ADCYAP1: variants seen among roughly 807,000 people sequenced by gnomAD.
ADCYAP1 encodes pituitary adenylate cyclase-activating polypeptide.
A neutral mutation model predicts 18.5 loss-of-function variants in ADCYAP1; 6 were observed. The ratio of observed to expected loss-of-function variants is 0.32; its 90% CI spans 0.18 to 0.64. ADCYAP1 has a LOEUF of 0.64. Among genes scored for constraint, ADCYAP1 ranks in the 30% least tolerant of loss-of-function variants. The pLI is 0.77. For missense variants in ADCYAP1, 314 were observed against 253.6 expected, an observed-to-expected ratio of 1.24 and a Z score of -1.62; for synonymous variants, 136 against 113.9, an observed-to-expected ratio of 1.19 and a Z score of -1.24.
At chr18:907,850 G>T in intron 3 of ADCYAP1, 60 bp downstream of exon 3, 13 of 1,411,538 alleles carry the variant, frequency 9.2e-6, no homozygotes, top group Non-Finnish European at 9.1e-6. Flanking sequence ...GCGGTGACGG[G>T]AGGGGCAGTG....
chr18:905,128 C>A, intron 1 of ADCYAP1, 68 bp downstream of exon 1: 1 of 1,371,686 alleles, frequency 7.3e-7, no homozygotes, highest in Non-Finnish European at 9.5e-7. Context: ...CTTGGCATCG[C>A]GTCAGGGGAG....
In ADCYAP1 at chr18:908,337, G is replaced by T. The variant is rs1465336094; in HGVS notation, c.315G>T (p.Leu105=). The T allele has an allele frequency of 1.2e-6, 2 of 1,613,278 alleles. No individual in the cohort carries two copies. Among genetic ancestry groups the T allele is most frequent in the African/African-American group, 2.7e-5 (2 of 74,934 alleles). Residue 105 remains leucine, a synonymous_variant, in exon 4 of 5, where the codon CTG becomes CTT. Transcript: ENST00000450565. The part of the protein sequence containing the change: ...VLDQLSAGKH[L]QSLVARGVGG... ...ACCAGCTGTCCGCCGGGAAGCACCT[G>T]CAGTCGCTCGTGGCCCGGGGCGTGG...
chr18:909,640 G>A lies in ADCYAP1; in HGVS notation c.*5G>A. On this transcript the variant is annotated 3_prime_UTR_variant, in exon 5 of 5. Transcript: ENST00000450565. ...CGCCGAATAGCTTATTTGTAGCGAT[G>A]GGTTACCAGCTACCCTGTGTATACA... 6.2e-7 allele frequency: 1 copy of A among 1,612,612 alleles called. No homozygotes were observed. The highest frequency in any genetic ancestry group is 8.5e-7 in the Non-Finnish European group (1 of 1,179,018).
At chr18:904,475 T>G, upstream of ADCYAP1, 1 of 1,289,050 alleles carries the variant, frequency 7.8e-7, no homozygotes, top group Non-Finnish European at 1.0e-6. Flanking sequence ...AAAAACCATG[T>G]TCGGATAGAT....
At chr18:904,602 G>C, upstream of ADCYAP1, 18 of 1,264,248 alleles carry the variant, frequency 1.4e-5, no homozygotes, top group Non-Finnish European at 1.7e-5. Context: ...AGCAGAGAAG[G>C]CGCCGCCGAC....
Position 909,744 on chromosome 18 carries a change from T to A in ADCYAP1, c.*109T>A. ...TGTGTTCTATCCAAACATGTATTTA[T>A]GTAATGAAGTAAAGCCATTAAATGA... On this transcript the variant is annotated 3_prime_UTR_variant, in exon 5 of 5. Coordinates refer to ENST00000450565, the MANE Select transcript of ADCYAP1 (RefSeq NM_001099733.2). The A allele has an allele frequency of 1.1e-6, 1 of 944,366 alleles. No homozygotes were observed. The highest frequency in any genetic ancestry group is 1.5e-6 in the Non-Finnish European group (1 of 650,062). 58.5% of individuals were successfully genotyped at this position (944,366 alleles called of 1,614,324 possible).
intron 2 of ADCYAP1, chr18:906,554 C>G (rs1056487817): frequency 2.6e-5 from 4 of 152,450 alleles, no homozygotes; most frequent in Admixed American, 1.3e-4. Context: ...CCCCAGGGTT[C>G]GGGGTACCCG....
chr18:909,497 C>T lies in ADCYAP1; in HGVS notation c.393C>T (p.Arg131=), dbSNP rs1210336450. Reference sequence around the variant, plus strand: ...ACGACGCGGAGCCGCTCTCCAAGCGCCACTCGGACGGGATCTTCACGGACA... The same window carrying T: ...ACGACGCGGAGCCGCTCTCCAAGCGTCACTCGGACGGGATCTTCACGGACA... ...AGDDAEPLSK[R]HSDGIFTDSY... Residue 131 remains arginine, a synonymous_variant, in exon 5 of 5, where the codon CGC becomes CGT. Coordinates refer to ENST00000450565, the MANE Select transcript of ADCYAP1 (RefSeq NM_001099733.2). The T allele has an allele frequency of 6.2e-7, 1 of 1,613,544 alleles. No homozygotes were observed. The highest frequency in any genetic ancestry group is 1.7e-5 in the Admixed American group (1 of 60,006).
At chr18:907,120 C>T (rs1345878947) in intron 2 of ADCYAP1, among the ~76,000 whole-genome samples, 1 of 152,194 alleles carries the variant, frequency 6.6e-6, no homozygotes, top group African/African-American at 2.4e-5. Context: ...CCGAGGTTCT[C>T]CGTGACCTAC....
chr18:905,777 A>T, intron 2 of ADCYAP1: 1 of 468,872 alleles, frequency 2.1e-6, no homozygotes. Context: ...CCCTCCCCCA[A>T]CCCGGCCCAC....
intron 4 of ADCYAP1, among the ~76,000 whole-genome samples, chr18:908,593 C>G (rs191294273): frequency 2.4e-4 from 36 of 152,278 alleles, no homozygotes; most frequent in African/African-American, 8.4e-4. Flanking sequence ...GAGTTTGATC[C>G]GTTTTGAATG....
chr18:905,745 C>T (rs117690971), intron 2 of ADCYAP1: 13,105 of 519,716 alleles, frequency 0.025, 258 homozygotes, highest in South Asian at 0.041. Context: ...AGCCAGTGAG[C>T]TTCTGGCCGC....
At chr18:904,587 C>T (rs1240877879), upstream of ADCYAP1, 3 of 1,282,216 alleles carry the variant, frequency 2.3e-6, no homozygotes, top group Non-Finnish European at 1.0e-6. Context: ...CCGGAGAGAC[C>T]TCGGAGCAGA....
rs1004665454 is a variant in ADCYAP1 at position 911,318 on chromosome 18, G to A, written c.*1683G>A. 2.0e-5 allele frequency: 3 copies of A among 150,048 alleles called. No homozygotes were observed. Among genetic ancestry groups the A allele is most frequent in the Non-Finnish European group, 2.9e-5 (2 of 67,860 alleles). The allele number at this position is 150,048 out of a possible 1,614,324, so 9.3% of individuals were successfully genotyped here. A position where few individuals can be genotyped will look rare whatever the true frequency, so the allele number is the denominator to read the frequency against. On this transcript the variant is annotated 3_prime_UTR_variant, in exon 5 of 5. Coordinates refer to ENST00000450565, the MANE Select transcript of ADCYAP1 (RefSeq NM_001099733.2). ...AGAACCTTCACCCAGCAATCAGATC[G>A]AGCAGCAACAGACAAACCAGCCAGC...
chr18:905,258 TG>T lies in ADCYAP1; in HGVS notation c.-1-127del, dbSNP rs1467238781. The T allele has an allele frequency of 4.0e-6, 6 of 1,498,522 alleles. No individual in the cohort carries two copies. In the African/African-American group the frequency reaches 8.4e-5, roughly 21 times the overall value. The allele number at this position is 1,498,522 out of a possible 1,614,324, so 92.8% of individuals were successfully genotyped here. A position where few individuals can be genotyped will look rare whatever the true frequency, so the allele number is the denominator to read the frequency against. On this transcript the variant is annotated intron_variant, in intron 1 of 4. Transcript: ENST00000450565. ...AGGGCGCGCACCGGCTGTCGCCAAG[TG>T]CTGTTCAACTCAGGGAGCCGGGGCT...
At position 908,157 on chromosome 18, in the gene ADCYAP1, G is replaced by A. The variant is rs1304410557; in HGVS notation, c.243-108G>A. ...GTTCTGGGCCTCTGGAGGTTTCCCT[G>A]TCAGCCTCCCCGGCCGCCGAGGGGG... On this transcript the variant is annotated intron_variant, in intron 3 of 4. Coordinates refer to ENST00000450565, the MANE Select transcript of ADCYAP1 (RefSeq NM_001099733.2). The A allele has an allele frequency of 5.1e-6, 5 of 986,070 alleles. No homozygotes were observed. In the East Asian group the frequency reaches 1.1e-4, roughly 21 times the overall value. The allele number at this position is 986,070 out of a possible 1,614,324, so 61.1% of individuals were successfully genotyped here. A position where few individuals can be genotyped will look rare whatever the true frequency, so the allele number is the denominator to read the frequency against.
Position 907,691 on chromosome 18 carries a change from A to G in ADCYAP1, c.143A>G (p.Asn48Ser). Residue 48 changes from asparagine (N) to serine (S), a missense_variant, in exon 3 of 5, where the codon AAC becomes AGC. Physicochemically the swap from Asn to Ser is conservative, Grantham distance 46 (BLOSUM62 1). Transcript: ENST00000450565. ...GAAGAGGCGTACGGCGAGGACGGAA[A>G]CCCGCTGCCAGACTTCGATGGCTCG... The part of the protein sequence containing the change: ...PEEEAYGEDG[N>S]PLPDFDGSEP... The G allele has an allele frequency of 6.4e-7, 1 of 1,569,268 alleles. No homozygotes were observed. Among genetic ancestry groups the G allele is most frequent in the East Asian group, 2.4e-5 (1 of 42,378 alleles).
intron 2 of ADCYAP1, among the ~76,000 whole-genome samples, chr18:907,397 C>A (rs1399572541): frequency 1.4e-5 from 2 of 145,052 alleles, no homozygotes; most frequent in African/African-American, 5.0e-5. Flanking sequence ...GGTTTCCCAG[C>A]GCTTGTTGAG....
intron 2 of ADCYAP1, among the ~76,000 whole-genome samples, chr18:906,907 G>T (rs899019735): frequency 6.6e-6 from 1 of 152,232 alleles, no homozygotes; most frequent in Non-Finnish European, 1.5e-5. Flanking sequence ...ACAGATCAGC[G>T]CGAACTATTC....
Sources: allele counts gnomAD v4.1 joint callset (sites outside exome capture counted in the v4.1 genomes callset), GRCh38; gene constraint gnomAD v4.1.1; transcripts MANE v1.5; gene names NCBI Gene and HGNC (gene_info 2026-07-23, HGNC 2026-07-21).